SPMIP2: variants seen among roughly 807,000 people sequenced by gnomAD.
The protein encoded by SPMIP2 is sperm microtubule inner protein 2.
chr4:158,948,902 C>T, the SPMIP2 span, among the ~76,000 whole-genome samples: 1 of 152,086 alleles, frequency 6.6e-6, no homozygotes, highest in Non-Finnish European at 1.5e-5. Context: ...CCGTGCCCCA[C>T]CATTAATGGA....
At chr4:159,023,406 A>G in the SPMIP2 span, among the ~76,000 whole-genome samples, 1 of 152,188 alleles carries the variant, frequency 6.6e-6, no homozygotes, top group Non-Finnish European at 1.5e-5. Context: ...TAGCTTACAC[A>G]CAGCAGATCA....
the SPMIP2 span, among the ~76,000 whole-genome samples, chr4:159,014,274 C>T: frequency 6.6e-6 from 1 of 152,022 alleles, no homozygotes; most frequent in African/African-American, 2.4e-5. Flanking sequence ...CCAACATGGT[C>T]AAACTCCGTC....
At chr4:159,040,406 C>T in the SPMIP2 span, among the ~76,000 whole-genome samples, 6 of 152,092 alleles carry the variant, frequency 3.9e-5, no homozygotes, top group Non-Finnish European at 7.4e-5. Context: ...CTCCTGACCT[C>T]GTGATCCGCC....
chr4:159,044,324 G>A, the SPMIP2 span, among the ~76,000 whole-genome samples: 6 of 141,584 alleles, frequency 4.2e-5, no homozygotes, highest in Admixed American at 7.5e-5. Flanking sequence ...AGCCAAGACC[G>A]AGCCATTGCA....
chr4:158,927,158 T>C, the SPMIP2 span, among the ~76,000 whole-genome samples: 1 of 152,240 alleles, frequency 6.6e-6, no homozygotes, highest in Non-Finnish European at 1.5e-5. Flanking sequence ...GTCTTCCTGA[T>C]AGACTGACCA....
the SPMIP2 span, among the ~76,000 whole-genome samples, chr4:159,052,096 C>T: frequency 2.6e-5 from 4 of 152,062 alleles, no homozygotes; most frequent in Non-Finnish European, 5.9e-5. Flanking sequence ...GCAAATGATT[C>T]GGATGGAGGG....
the SPMIP2 span, chr4:159,007,310 G>A: frequency 1.2e-6 from 1 of 819,386 alleles, no homozygotes; most frequent in Non-Finnish European, 2.1e-6. Context: ...GGGCCCCACT[G>A]GACATCTCAT....
chr4:159,017,366 C>CACAA, the SPMIP2 span, among the ~76,000 whole-genome samples: 1 of 151,528 alleles, frequency 6.6e-6, no homozygotes, highest in Admixed American at 6.6e-5. Context: ...TACACACACA[C>CACAA]ACACACACAC....
chr4:158,934,792 G>T, the SPMIP2 span, among the ~76,000 whole-genome samples: 1 of 152,012 alleles, frequency 6.6e-6, no homozygotes, highest in Admixed American at 6.5e-5. Flanking sequence ...ACATTTAGTT[G>T]GTTGCCAAGT....
At chr4:158,980,056 G>A in the SPMIP2 span, among the ~76,000 whole-genome samples, 1 of 152,054 alleles carries the variant, frequency 6.6e-6, no homozygotes, top group African/African-American at 2.4e-5. Flanking sequence ...TGAGTAGGTG[G>A]TTTTCCCCTC....
At chr4:158,951,768 A>G in the SPMIP2 span, among the ~76,000 whole-genome samples, 1 of 152,196 alleles carries the variant, frequency 6.6e-6, no homozygotes, top group Non-Finnish European at 1.5e-5. Context: ...GTGAGTTCCT[A>G]TTGCTGTGAA....
At chr4:158,928,270 A>T in the SPMIP2 span, among the ~76,000 whole-genome samples, 3 of 152,058 alleles carry the variant, frequency 2.0e-5, no homozygotes, top group Non-Finnish European at 4.4e-5. Flanking sequence ...GCACCAGTCG[A>T]CACTCTGTAT....
At chr4:159,055,420 A>G in the SPMIP2 span, among the ~76,000 whole-genome samples, 1 of 152,198 alleles carries the variant, frequency 6.6e-6, no homozygotes, top group Non-Finnish European at 1.5e-5. Flanking sequence ...AATGAAAAAC[A>G]GGCCGGGTGC....
chr4:159,060,474 C>T, the SPMIP2 span, among the ~76,000 whole-genome samples: 1 of 152,188 alleles, frequency 6.6e-6, no homozygotes, highest in Non-Finnish European at 1.5e-5. Flanking sequence ...GAGCTGGTGA[C>T]TACACAGGAA....
At chr4:158,916,580 G>A in the SPMIP2 span, among the ~76,000 whole-genome samples, 3 of 152,104 alleles carry the variant, frequency 2.0e-5, no homozygotes, top group African/African-American at 7.2e-5. Context: ...GTTTGTTGTT[G>A]CTGTTTGGTT....
chr4:158,893,518 A>G, the SPMIP2 span: 1 of 552,400 alleles, frequency 1.8e-6, no homozygotes, highest in Non-Finnish European at 3.3e-6. Flanking sequence ...TAATGGTTGC[A>G]AAGACTGACA....
the SPMIP2 span, among the ~76,000 whole-genome samples, chr4:159,058,146 C>T: frequency 2.6e-4 from 39 of 150,858 alleles, no homozygotes; most frequent in African/African-American, 8.5e-4. Context: ...AGGCGTGAGC[C>T]GCTGCACTAG....
chr4:158,916,832 T>C, the SPMIP2 span, among the ~76,000 whole-genome samples: 2 of 152,148 alleles, frequency 1.3e-5, no homozygotes, highest in South Asian at 2.1e-4. Context: ...TTAGTAGAGA[T>C]AGGGTTTCAC....
the SPMIP2 span, among the ~76,000 whole-genome samples, chr4:159,073,222 C>T: frequency 2.0e-5 from 3 of 152,110 alleles, no homozygotes; most frequent in African/African-American, 7.2e-5. Flanking sequence ...GGCGCAAACA[C>T]GGCTCACTGC....
Sources: gnomAD v4.1 joint callset for allele counts (sites outside exome capture counted in the v4.1 genomes callset) on GRCh38, gnomAD v4.1.1 for gene constraint, MANE v1.5 for transcripts, NCBI Gene and HGNC (gene_info 2026-07-23, HGNC 2026-07-21) for gene names.